The following ELAVL4 variants were observed in gnomAD, a reference collection of about 807,000 sequenced individuals.
The protein encoded by ELAVL4 is ELAV like RNA binding protein 4, also known as ELAV-like protein 4.
A neutral mutation model predicts 35.6 loss-of-function variants in ELAVL4; 1 was observed. That is an observed-to-expected ratio of 0.03 (90% CI 0.01 to 0.13). The LOEUF is 0.13. Ranked by LOEUF, ELAVL4 falls within the 10% of genes least tolerant of loss-of-function variation. The probability of loss-of-function intolerance (pLI) is 1.00; values close to 1 mark genes in which losing one functional copy is unlikely to be tolerated. For missense variants in ELAVL4, 267 were observed against 464.9 expected, an observed-to-expected ratio of 0.57 and a Z score of 3.91; for synonymous variants, 156 against 171.0, an observed-to-expected ratio of 0.91 and a Z score of 0.69.
chr1:50,054,815 A>C (rs1401518179), intron 1 of ELAVL4, among the ~76,000 whole-genome samples: 1 of 152,166 alleles, frequency 6.6e-6, no homozygotes, highest in Non-Finnish European at 1.5e-5. Flanking sequence ...TAGCTTCATC[A>C]ACAAGCTCCC....
At chr1:50,169,110 G>A (rs1678529235) in intron 2 of ELAVL4, among the ~76,000 whole-genome samples, 1 of 151,996 alleles carries the variant, frequency 6.6e-6, no homozygotes, top group South Asian at 2.1e-4. Context: ...TGAAGAACTT[G>A]GAGTCCGATG....
intron 1 of ELAVL4, among the ~76,000 whole-genome samples, chr1:50,066,964 C>T (rs1051669087): frequency 2.2e-4 from 33 of 152,152 alleles, no homozygotes; most frequent in Admixed American, 1.7e-3. Flanking sequence ...AGAACAGTGC[C>T]GAACAGCTTG....
intron 6 of ELAVL4, 195 bp downstream of exon 6, chr1:50,197,662 G>T: frequency 2.1e-6 from 1 of 479,464 alleles, no homozygotes; most frequent in Non-Finnish European, 3.5e-6. Flanking sequence ...AAATGTATTT[G>T]TGTGTTTCAC....
intron 3 of ELAVL4, among the ~76,000 whole-genome samples, chr1:50,178,092 C>T (rs1680378452): frequency 6.6e-6 from 1 of 152,176 alleles, no homozygotes; most frequent in African/African-American, 2.4e-5. Context: ...CTCGGCCTTC[C>T]TTCCCTTTCT....
intron 2 of ELAVL4, among the ~76,000 whole-genome samples, chr1:50,164,632 AT>A (rs1677414923): frequency 6.6e-6 from 1 of 152,220 alleles, no homozygotes; most frequent in Non-Finnish European, 1.5e-5. Context: ...AATATAAAAA[AT>A]AAAAGAAAGG....
chr1:50,098,689 G>T (rs1665819787), intron 1 of ELAVL4, among the ~76,000 whole-genome samples: 1 of 152,204 alleles, frequency 6.6e-6, no homozygotes, highest in African/African-American at 2.4e-5. Flanking sequence ...TTACTCTTCT[G>T]CTTAAAAGTA....
At chr1:50,128,904 A>G (rs1221159826) in intron 1 of ELAVL4, among the ~76,000 whole-genome samples, 2 of 152,014 alleles carry the variant, frequency 1.3e-5, no homozygotes, top group Admixed American at 6.6e-5. Flanking sequence ...CACCATGTGA[A>G]TATTGGCTAG....
intron 3 of ELAVL4, among the ~76,000 whole-genome samples, chr1:50,187,085 C>G (rs1681947986): frequency 6.6e-6 from 1 of 152,160 alleles, no homozygotes; most frequent in African/African-American, 2.4e-5. Context: ...AGAATCTGTT[C>G]CCTGATTCCA....
intron 1 of ELAVL4, 138 bp from the exon 2 acceptor site, chr1:50,144,819 T>G: frequency 7.7e-7 from 1 of 1,304,890 alleles, no homozygotes; most frequent in Non-Finnish European, 1.1e-6. Flanking sequence ...CTAAATTGGC[T>G]GTGTTCACAA....
intron 4 of ELAVL4, among the ~76,000 whole-genome samples, chr1:50,194,993 A>C (rs1333716709): frequency 2.0e-5 from 3 of 152,182 alleles, no homozygotes; most frequent in East Asian, 3.8e-4. Context: ...GAGGCATTGA[A>C]TGCTGTGCCA....
At chr1:50,105,508 G>C (rs946893761), upstream of ELAVL4, among the ~76,000 whole-genome samples, 1 of 152,034 alleles carries the variant, frequency 6.6e-6, no homozygotes, top group Non-Finnish European at 1.5e-5. Flanking sequence ...AATCTTGCCT[G>C]TTAAGATGCT....
In ELAVL4 at chr1:50,162,439, G is replaced by T. The variant is rs1676965135; in HGVS notation, c.251-14650G>T. On this transcript the variant is annotated intron_variant, in intron 2 of 6. Transcript: ENST00000371824. ...ATATTAAATACCTACTGTAGGCCAG[G>T]CACTTTGCTTGTTGCCATCTTTATG... Among the ~76,000 whole-genome samples, 7 of 152,270 alleles carry T rather than the reference G, an allele frequency of 4.6e-5. No homozygotes were observed. The South Asian group carries it at 1.5e-3, about 32-fold the overall frequency.
chr1:50,115,144 T>G (rs2148558922), intron 1 of ELAVL4: 1 of 152,134 alleles, frequency 6.6e-6, no homozygotes, highest in Non-Finnish European at 1.5e-5. Flanking sequence ...CTCAGAACAT[T>G]TTAAGACCAA....
chr1:50,087,050 T>G (rs1482215373), intron 1 of ELAVL4, among the ~76,000 whole-genome samples: 2 of 152,128 alleles, frequency 1.3e-5, no homozygotes, highest in Non-Finnish European at 2.9e-5. Flanking sequence ...AGTCAATCAA[T>G]TATCTTTTGG....
upstream of ELAVL4, chr1:50,103,892 T>C: frequency 6.2e-7 from 1 of 1,608,212 alleles, no homozygotes; most frequent in South Asian, 1.1e-5. Flanking sequence ...GAGGGACTGG[T>C]GTGAAGAGAG....
intron 1 of ELAVL4, among the ~76,000 whole-genome samples, chr1:50,070,884 A>G (rs1664488326): frequency 6.6e-6 from 1 of 152,238 alleles, no homozygotes; most frequent in Non-Finnish European, 1.5e-5. Flanking sequence ...AATAAGATCC[A>G]AATTCCTAAC....
chr1:50,118,560 C>T (rs1668350957), intron 1 of ELAVL4, among the ~76,000 whole-genome samples: 1 of 151,920 alleles, frequency 6.6e-6, no homozygotes, highest in African/African-American at 2.4e-5. Flanking sequence ...TTGTTGATTA[C>T]ACACACTTGG....
At chr1:50,103,133 A>G (rs528280517), upstream of ELAVL4, among the ~76,000 whole-genome samples, 100 of 152,330 alleles carry the variant, frequency 6.6e-4, no homozygotes, top group Non-Finnish European at 1.1e-3. Flanking sequence ...TGAAGTATGA[A>G]TCTACTCTTA....
intron 1 of ELAVL4, among the ~76,000 whole-genome samples, chr1:50,053,527 T>C (rs1004574522): frequency 1.3e-5 from 2 of 152,136 alleles, no homozygotes; most frequent in African/African-American, 4.8e-5. Flanking sequence ...TTTTGCATTT[T>C]TTTGTAGAGA....
Sources: gnomAD v4.1 joint callset for allele counts (sites outside exome capture counted in the v4.1 genomes callset) on GRCh38, gnomAD v4.1.1 for gene constraint, MANE v1.5 for transcripts, NCBI Gene and HGNC (gene_info 2026-07-23, HGNC 2026-07-21) for gene names.